The following NSG2 variants were observed in gnomAD, a reference collection of about 807,000 sequenced individuals.
The protein encoded by NSG2 is neuronal vesicle trafficking associated 2, also known as neuronal vesicle trafficking-associated protein 2.
A neutral mutation model predicts 16.9 loss-of-function variants in NSG2; 4 were observed. The observed-to-expected ratio is 0.24, with a 90% confidence interval of 0.12 to 0.54. The LOEUF (loss-of-function observed/expected upper bound fraction) is 0.54, where lower values mean the gene tolerates loss of function less well. Ranked by LOEUF, NSG2 falls within the 20% of genes least tolerant of loss-of-function variation. The probability of loss-of-function intolerance (pLI) is 0.95; values close to 1 mark genes in which losing one functional copy is unlikely to be tolerated. For synonymous variants in NSG2, 98 were observed against 88.7 expected (o/e 1.11, Z -0.59); for missense variants, 179 against 221.1 (o/e 0.81, Z 1.21).
At chr5:174,067,714 G>C (rs1257076248) in intron 3 of NSG2, among the ~76,000 whole-genome samples, 2 of 152,242 alleles carry the variant, frequency 1.3e-5, no homozygotes, top group African/African-American at 2.4e-5. Context: ...TGGATGCAGG[G>C]AGGCTAGGGA....
chr5:174,061,752 C>T (rs182276612), intron 2 of NSG2, among the ~76,000 whole-genome samples: 47 of 151,978 alleles, frequency 3.1e-4, no homozygotes, highest in African/African-American at 8.7e-4. Flanking sequence ...TACAGGTGTG[C>T]GCCACCATGC....
intron 3 of NSG2, among the ~76,000 whole-genome samples, chr5:174,087,488 C>T (rs1382709105): frequency 1.3e-5 from 2 of 151,944 alleles, no homozygotes; most frequent in African/African-American, 4.8e-5. Flanking sequence ...AAATTATTAG[C>T]AAGAAATGAG....
chr5:174,091,039 CTTTTTTTTTTTT>C (rs35022469), intron 3 of NSG2, among the ~76,000 whole-genome samples: 1 of 124,120 alleles, frequency 8.1e-6, no homozygotes, highest in African/African-American at 3.0e-5. Flanking sequence ...CTTCTTCTTC[CTTTTTTTTTTTT>C]TTTTTTTTCC....
intron 3 of NSG2, chr5:174,082,400 G>A (rs536138611): frequency 9.8e-5 from 15 of 152,344 alleles, no homozygotes; most frequent in African/African-American, 3.4e-4. Flanking sequence ...AGTATTTGCA[G>A]ATTACCCTTT....
chr5:174,081,649 A>G (rs1297718179), intron 3 of NSG2: 1 of 151,726 alleles, frequency 6.6e-6, no homozygotes, highest in East Asian at 1.9e-4. Flanking sequence ...GCATTTTTTT[A>G]AAAAGAATGT....
At chr5:174,098,586 A>G (rs1461508237) in intron 3 of NSG2, among the ~76,000 whole-genome samples, 1 of 152,136 alleles carries the variant, frequency 6.6e-6, no homozygotes, top group Non-Finnish European at 1.5e-5. Context: ...TCTCGCTTCC[A>G]GGACCACCCC....
chr5:174,098,899 C>T (rs1378141590), intron 3 of NSG2, among the ~76,000 whole-genome samples: 3 of 152,122 alleles, frequency 2.0e-5, no homozygotes, highest in Non-Finnish European at 2.9e-5. Flanking sequence ...AGCTGTTTAT[C>T]GCGAGGCTCA....
chr5:174,050,366 C>T (rs78390204), intron 2 of NSG2, among the ~76,000 whole-genome samples: 2,657 of 152,268 alleles, frequency 0.017, 36 homozygotes, highest in East Asian at 0.066. Context: ...GGAGTCCTCT[C>T]GTGGAACGTG....
intron 2 of NSG2, among the ~76,000 whole-genome samples, chr5:174,063,025 C>T (rs1028702867): frequency 2.6e-5 from 4 of 152,076 alleles, no homozygotes; most frequent in Admixed American, 6.6e-5. Flanking sequence ...CTTGAGTTTC[C>T]TTGTTAGGAG....
intron 4 of NSG2, among the ~76,000 whole-genome samples, chr5:174,106,791 C>T (rs927532357): frequency 6.6e-6 from 1 of 151,858 alleles, no homozygotes; most frequent in South Asian, 2.1e-4. Context: ...GATGGGGTTT[C>T]ACTCTGTTGG....
At position 174,107,434 on chromosome 5, in the gene NSG2, G is replaced by A. The variant is rs751261457; in HGVS notation, c.445G>A (p.Ala149Thr). The A allele has an allele frequency of 6.2e-7, 1 of 1,612,908 alleles. No individual in the cohort carries two copies. The highest frequency in any genetic ancestry group is 1.1e-5 in the South Asian group (1 of 90,998). The change falls in exon 5 of 5, where the codon GCC (alanine) becomes ACC (threonine). Residue 149 changes from alanine to threonine, a missense_variant. Transcript: ENST00000303177. The surrounding 1 kb of genome is among the most constrained non-coding windows in gnomAD (Gnocchi z 4.5). ...CGTGGCCAAGCAGAGCACTGCCCGG[G>A]CCATCGGGCCGTGGCTGTCAGCAGC... ...YSVAKQSTAR[A>T]IGPWLSAAAV... is the part of the protein sequence containing the mutation.
rs149292937 is a variant in NSG2 at position 174,069,843 on chromosome 5, G to A, written c.213+5528G>A. On this transcript the variant is annotated intron_variant, in intron 3 of 4. Transcript: ENST00000303177. ...TGGCTTCCCACAGTGATTCCTGGAG[G>A]CACGTGTTTGCTTGTTGGTAAAGGT... Among the ~76,000 whole-genome samples, 687 of 151,106 alleles carry A rather than the reference G, an allele frequency of 4.5e-3. 4 individuals carry two copies. Among genetic ancestry groups the A allele is most frequent in the African/African-American group, 0.016 (653 of 41,046 alleles).
chr5:174,094,902 A>T (rs767555855), intron 3 of NSG2, among the ~76,000 whole-genome samples: 4 of 152,206 alleles, frequency 2.6e-5, no homozygotes, highest in Non-Finnish European at 5.9e-5. Flanking sequence ...CCAGGTCATG[A>T]GTTGGAAGTT....
chr5:174,087,120 C>T (rs148439811), intron 3 of NSG2, among the ~76,000 whole-genome samples: 3 of 152,248 alleles, frequency 2.0e-5, no homozygotes, highest in East Asian at 3.9e-4. Flanking sequence ...CTTTTACTTT[C>T]AAAAGGCAAT....
intron 3 of NSG2, chr5:174,082,691 C>T (rs1337201087): frequency 6.6e-6 from 1 of 152,232 alleles, no homozygotes; most frequent in Non-Finnish European, 1.5e-5. Flanking sequence ...AGCATCAAAA[C>T]ACAGTTGGCA....
chr5:174,097,839 G>A (rs1760829240), intron 3 of NSG2, among the ~76,000 whole-genome samples: 1 of 150,710 alleles, frequency 6.6e-6, no homozygotes. Flanking sequence ...CTCTTTGTGT[G>A]TGTCTGTGTG....
At chr5:174,101,433 T>C (rs1413966181) in intron 3 of NSG2, among the ~76,000 whole-genome samples, 5 of 152,336 alleles carry the variant, frequency 3.3e-5, no homozygotes, top group East Asian at 1.9e-4. Flanking sequence ...GGAAACCCTA[T>C]ACCCCTTATC....
rs1760268030 is a variant in NSG2 at position 174,072,943 on chromosome 5, C to G, written c.213+8628C>G. ...GAGGCTGCAGTGAGCCGGATTGTGC[C>G]ACTGCACTCCAACCTGGGTAACAGA... On this transcript the variant is annotated intron_variant, in intron 3 of 4. Coordinates refer to ENST00000303177, the MANE Select transcript of NSG2 (RefSeq NM_015980.5). This position sits in a 1 kb window ranked among gnomAD's most constrained non-coding sequence, Gnocchi z 4.0. Among the ~76,000 whole-genome samples the G allele has an allele frequency of 6.6e-6, 1 of 152,184 alleles. No individual in the cohort carries two copies. The highest frequency in any genetic ancestry group is 1.5e-5 in the Non-Finnish European group (1 of 68,038).
intron 3 of NSG2, among the ~76,000 whole-genome samples, chr5:174,084,565 T>C (rs1247624052): frequency 1.3e-5 from 2 of 152,240 alleles, no homozygotes; most frequent in Non-Finnish European, 2.9e-5. Context: ...CCATGCTCTC[T>C]GCATCTCCTG....
Sources: gnomAD v4.1 joint callset for allele counts (sites outside exome capture counted in the v4.1 genomes callset) on GRCh38, gnomAD v4.1.1 for gene constraint, Gnocchi (gnomAD v3.1) non-coding constraint, MANE v1.5 for transcripts, NCBI Gene and HGNC (gene_info 2026-07-23, HGNC 2026-07-21) for gene names.